Variants in ULK4 observed in about 807,000 individuals in gnomAD.
ULK4 encodes the protein unc-51 like kinase 4, also known as inactive serine/threonine-protein kinase ULK4.
In ULK4, 133 loss-of-function variants were observed where a neutral mutation model predicts 160.6. The observed-to-expected ratio is 0.83, with a 90% CI of 0.72 to 0.96. The LOEUF is 0.96. Ranked by LOEUF, ULK4 falls within the 40% of genes least tolerant of loss-of-function variation. The pLI is 0.00. For missense variants in ULK4, 1,580 were observed against 1,499.5 expected (o/e 1.05, Z -0.89); for synonymous variants, 534 against 539.8 (o/e 0.99, Z 0.15).
rs1321014855 is a variant in ULK4 at position 41,778,037 on chromosome 3, C to A, written c.2193+11624G>T. 5.4e-5 allele frequency among the ~76,000 whole-genome samples: 7 copies of A among 128,722 alleles called. No homozygotes were observed. In the East Asian group the frequency reaches 1.4e-3, roughly 26 times the overall value. The allele number at this position is 128,722 out of a possible 152,430, so 84.4% of individuals were successfully genotyped here. ...GTATTCAATTAGGAAAAGAGGAAGTCAAATTGTCCCTGTTTGCAGACGACA... is the reference window on the plus strand; with the variant it reads ...GTATTCAATTAGGAAAAGAGGAAGTAAAATTGTCCCTGTTTGCAGACGACA... On this transcript the variant is annotated intron_variant, in intron 21 of 36. Coordinates refer to ENST00000301831, the MANE Select transcript of ULK4 (RefSeq NM_017886.4).
intron 35 of ULK4, among the ~76,000 whole-genome samples, chr3:41,271,768 T>C (rs1260369135): frequency 6.6e-6 from 1 of 152,114 alleles, no homozygotes; most frequent in Non-Finnish European, 1.5e-5. Flanking sequence ...CACCTATTGA[T>C]TGACATTTGG....
intron 21 of ULK4, among the ~76,000 whole-genome samples, chr3:41,754,838 A>G (rs994677095): frequency 6.6e-6 from 1 of 152,240 alleles, no homozygotes; most frequent in African/African-American, 2.4e-5. Context: ...GAAATGTGGC[A>G]GCAAATAATA....
At chr3:41,433,558 T>C (rs925190293) in intron 34 of ULK4, among the ~76,000 whole-genome samples, 4 of 152,114 alleles carry the variant, frequency 2.6e-5, no homozygotes, top group African/African-American at 9.7e-5. Flanking sequence ...GCCAGAAAAA[T>C]GTACCCCCTC....
intron 31 of ULK4, among the ~76,000 whole-genome samples, chr3:41,572,250 C>A (rs1170884214): frequency 1.3e-5 from 2 of 152,042 alleles, no homozygotes; most frequent in Non-Finnish European, 2.9e-5. Flanking sequence ...GTCACCCAGG[C>A]CAGTGAGCAC....
intron 19 of ULK4, among the ~76,000 whole-genome samples, chr3:41,807,287 T>C (rs2040674354): frequency 6.6e-6 from 1 of 152,288 alleles, no homozygotes; most frequent in African/African-American, 2.4e-5. Flanking sequence ...GAAAGATATA[T>C]AATACTCTGT....
chr3:41,608,564 A>G (rs538018446), intron 31 of ULK4, among the ~76,000 whole-genome samples: 27 of 152,218 alleles, frequency 1.8e-4, no homozygotes, highest in Non-Finnish European at 3.1e-4. Flanking sequence ...ATTTACAATC[A>G]GTCATTTTAC....
At chr3:41,705,563 C>G (rs964327289) in intron 25 of ULK4, among the ~76,000 whole-genome samples, 1 of 151,774 alleles carries the variant, frequency 6.6e-6, no homozygotes, top group Non-Finnish European at 1.5e-5. Flanking sequence ...GTGGCCCGAT[C>G]TCGGCTCACC....
chr3:41,695,506 A>C (rs1185455072), intron 27 of ULK4, among the ~76,000 whole-genome samples: 1 of 152,218 alleles, frequency 6.6e-6, no homozygotes, highest in African/African-American at 2.4e-5. Flanking sequence ...GCATTCAAAA[A>C]AGAATAGAGT....
chr3:41,897,130 A>G, intron 14 of ULK4, 127 bp from the exon 15 acceptor site: 1 of 717,770 alleles, frequency 1.4e-6, no homozygotes, highest in South Asian at 2.3e-5. Context: ...GTCAAAACCA[A>G]AAATACTCCA....
intron 32 of ULK4, among the ~76,000 whole-genome samples, chr3:41,499,212 T>C (rs946838770): frequency 1.3e-5 from 2 of 152,188 alleles, no homozygotes; most frequent in African/African-American, 4.8e-5. Flanking sequence ...TTCCAGAACA[T>C]TGGCTTTCAA....
At chr3:41,491,757 T>C (rs2125907359) in intron 32 of ULK4, among the ~76,000 whole-genome samples, 1 of 149,500 alleles carries the variant, frequency 6.7e-6, no homozygotes, top group East Asian at 1.9e-4. Flanking sequence ...ATACTTTAAG[T>C]TTTAGGGTAC....
rs867628020 is a variant in ULK4 at position 41,827,561 on chromosome 3, A to C, written c.1765-8055T>G. On this transcript the variant is annotated intron_variant, in intron 18 of 36. Transcript: ENST00000301831. The stretch of plus-strand genomic sequence containing the variant: ...CTAGAAAATCTAGAATAAATGGATA[A>C]ATTCCTCGACATATACACCCTCCCA... Among the ~76,000 whole-genome samples, 67 of 152,208 alleles carry C rather than the reference A, an allele frequency of 4.4e-4. No individual in the cohort carries two copies. The South Asian group carries it at 0.012, about 28-fold the overall frequency.
At chr3:41,720,425 T>TAA (rs11457888) in intron 22 of ULK4, among the ~76,000 whole-genome samples, 1 of 151,524 alleles carries the variant, frequency 6.6e-6, no homozygotes, top group Admixed American at 6.6e-5. Context: ...GCTAAAAAAA[T>TAA]AAAAAACTTC....
intron 32 of ULK4, among the ~76,000 whole-genome samples, chr3:41,502,054 T>A (rs1235647856): frequency 6.6e-6 from 1 of 152,226 alleles, no homozygotes; most frequent in Non-Finnish European, 1.5e-5. Context: ...TGAATAGTAT[T>A]CCATTGTGTA....
chr3:41,911,574 T>G lies in ULK4; in HGVS notation c.982A>C (p.Ser328Arg). 1.2e-6 allele frequency: 2 copies of G among 1,614,060 alleles called. No homozygotes were observed. The highest frequency in any genetic ancestry group is 1.7e-6 in the Non-Finnish European group (2 of 1,180,016). ...AAAGAGTGACCTAGTGGTTGACCAC[T>G]CTTGTGCCCTTTTGCTTGTCTACTC... The part of the protein sequence containing the change: ...SQSRQAKGHK[S>R]GQPLGHSFRL... Residue 328 changes from serine (S) to arginine (R), a missense_variant, in exon 10 of 37, where the codon AGT becomes CGT. Transcript: ENST00000301831.
At chr3:41,858,147 G>GTTTTTTT (rs71288052) in intron 17 of ULK4, among the ~76,000 whole-genome samples, 24 of 92,120 alleles carry the variant, frequency 2.6e-4, no homozygotes, top group Middle Eastern at 6.8e-3. Flanking sequence ...TTTTTTGTTT[G>GTTTTTTT]TTTTTTTTTT....
At chr3:41,899,491 T>C (rs1457576994) in intron 13 of ULK4, among the ~76,000 whole-genome samples, 1 of 152,192 alleles carries the variant, frequency 6.6e-6, no homozygotes, top group Non-Finnish European at 1.5e-5. Context: ...CACAGAATAT[T>C]GTCTAAAGCA....
chr3:41,507,214 T>C (rs536042730), intron 32 of ULK4, among the ~76,000 whole-genome samples: 12 of 144,542 alleles, frequency 8.3e-5, no homozygotes, highest in Admixed American at 6.2e-4. Flanking sequence ...AGTGTGATTC[T>C]GCTCCCCAGC....
intron 25 of ULK4, 39 bp downstream of exon 25, chr3:41,715,198 C>A (rs1345117551): frequency 6.3e-7 from 1 of 1,594,536 alleles, no homozygotes; most frequent in South Asian, 1.1e-5. Flanking sequence ...GAGGAAGTCA[C>A]AATTTTATTA....
Sources: gnomAD v4.1 joint callset for allele counts (sites outside exome capture counted in the v4.1 genomes callset) on GRCh38, gnomAD v4.1.1 for gene constraint, MANE v1.5 for transcripts, NCBI Gene and HGNC (gene_info 2026-07-23, HGNC 2026-07-21) for gene names.